GSE1: variants seen among roughly 807,000 people sequenced by gnomAD.
GSE1 encodes the protein Gse1 coiled-coil protein, also known as genetic suppressor element 1.
GSE1 carries 32 observed loss-of-function variants against 112.6 expected under a neutral mutation model. That is an observed-to-expected ratio of 0.28 (90% CI 0.21 to 0.38). GSE1 has a LOEUF of 0.38. GSE1 is among the 10% of genes least tolerant of loss of function. The probability of loss-of-function intolerance (pLI) is 1.00; values close to 1 mark genes in which losing one functional copy is unlikely to be tolerated. For synonymous variants in GSE1, 1,115 were observed against 735.6 expected (o/e 1.52, Z -8.35); for missense variants, 2,348 against 1,699.2 (o/e 1.38, Z -6.71).
At chr16:85,294,610 C>CCTCTCTCTCTCTCTCTCT (rs1199580682) in intron 1 of GSE1, among the ~76,000 whole-genome samples, 2 of 83,170 alleles carry the variant, frequency 2.4e-5, no homozygotes, top group African/African-American at 1.0e-4. Context: ...TGCCAGCACG[C>CCTCTCTCTCTCTCTCTCT]CTCTCACTCT....
At chr16:85,214,270 A>G (rs1252070991) in intron 1 of GSE1, among the ~76,000 whole-genome samples, 1 of 152,106 alleles carries the variant, frequency 6.6e-6, no homozygotes, top group Non-Finnish European at 1.5e-5. Flanking sequence ...CTTGTCACCC[A>G]GAACCTGTGA....
chr16:85,501,125 C>T (rs755330382), intron 2 of GSE1, among the ~76,000 whole-genome samples: 15 of 151,184 alleles, frequency 9.9e-5, no homozygotes, highest in Non-Finnish European at 1.8e-4. Context: ...CTCAGCCTCC[C>T]GAGCAGTTGG....
intron 1 of GSE1, among the ~76,000 whole-genome samples, chr16:85,322,415 G>C (rs2046127719): frequency 6.6e-6 from 1 of 152,082 alleles, no homozygotes; most frequent in Non-Finnish European, 1.5e-5. Flanking sequence ...TTCAAACCTT[G>C]TTGCAAAGAA....
intron 1 of GSE1, among the ~76,000 whole-genome samples, chr16:85,573,675 A>C (rs1031457481): frequency 5.9e-5 from 9 of 152,086 alleles, no homozygotes; most frequent in African/African-American, 1.7e-4. Context: ...TGCTGCTATT[A>C]ATAGCAACAC....
chr16:85,292,796 T>C (rs994161422), intron 1 of GSE1, among the ~76,000 whole-genome samples: 2 of 152,206 alleles, frequency 1.3e-5, no homozygotes, highest in African/African-American at 4.8e-5. Context: ...TTCGGGGGCA[T>C]TTCACACATT....
At chr16:85,308,686 G>A (rs761190652) in intron 1 of GSE1, among the ~76,000 whole-genome samples, 9 of 151,904 alleles carry the variant, frequency 5.9e-5, no homozygotes, top group Non-Finnish European at 1.2e-4. Context: ...AAAACACATT[G>A]CCTGGGGAAG....
upstream of GSE1, chr16:85,613,189 G>GAGCGAGCC (rs1274431997): frequency 5.6e-6 from 8 of 1,425,088 alleles, no homozygotes; most frequent in Admixed American, 1.5e-4. Flanking sequence ...AGTGGCCCGG[G>GAGCGAGCC]AGTGGGCGGC....
At chr16:85,291,432 C>A (rs538067419) in intron 1 of GSE1, among the ~76,000 whole-genome samples, 3 of 152,356 alleles carry the variant, frequency 2.0e-5, no homozygotes, top group South Asian at 4.1e-4. Context: ...TTCCACTGGA[C>A]CTGCTACCAC....
At chr16:85,368,839 A>G (rs992796022) in intron 2 of GSE1, among the ~76,000 whole-genome samples, 7 of 152,138 alleles carry the variant, frequency 4.6e-5, no homozygotes, top group African/African-American at 1.2e-4. Context: ...GGGCACTTCA[A>G]GGTCACCCGA....
At chr16:85,434,307 C>CTACTAA (rs1555511269) in intron 2 of GSE1, among the ~76,000 whole-genome samples, 1 of 142,296 alleles carries the variant, frequency 7.0e-6, no homozygotes, top group Non-Finnish European at 1.5e-5. Context: ...GGATGGTGGT[C>CTACTAA]TAATAATAAT....
chr16:85,309,303 C>T (rs1365156442), intron 1 of GSE1, among the ~76,000 whole-genome samples: 1 of 152,040 alleles, frequency 6.6e-6, no homozygotes, highest in Admixed American at 6.6e-5. Flanking sequence ...TTGAGAACAG[C>T]CTGGACAACG....
chr16:85,563,749 C>T (rs1049320006), intron 1 of GSE1, among the ~76,000 whole-genome samples: 10 of 152,202 alleles, frequency 6.6e-5, no homozygotes, highest in South Asian at 2.1e-4. Flanking sequence ...CAGGAAGTCA[C>T]GGAACATTGG....
At chr16:85,601,228 G>C (rs2047451366) in intron 1 of GSE1, among the ~76,000 whole-genome samples, 1 of 152,002 alleles carries the variant, frequency 6.6e-6, no homozygotes, top group African/African-American at 2.4e-5. Flanking sequence ...GGGAGTCTCA[G>C]AGGGGAAATA....
intron 3 of GSE1, among the ~76,000 whole-genome samples, chr16:85,651,548 G>T (rs1043876574): frequency 6.6e-6 from 1 of 152,284 alleles, no homozygotes; most frequent in African/African-American, 2.4e-5. Context: ...TCCTTGTGGC[G>T]GGGCGGCTGG....
chr16:85,455,401 GAGAA>G (rs374047031), intron 2 of GSE1, among the ~76,000 whole-genome samples: 12 of 145,056 alleles, frequency 8.3e-5, no homozygotes, highest in African/African-American at 1.4e-4. Context: ...GAGAGAGAGA[GAGAA>G]AGAAAGAAAA....
At position 85,601,098 on chromosome 16, in the gene GSE1, G is replaced by T. The variant is rs549024230; in HGVS notation, c.37+44735G>T. Among the ~76,000 whole-genome samples the T allele has an allele frequency of 2.0e-5, 3 of 152,216 alleles. No homozygotes were observed. In the South Asian group the frequency reaches 6.2e-4, roughly 32 times the overall value. On this transcript the variant is annotated intron_variant, in intron 1 of 2. Coordinates refer to the GSE1 transcript ENST00000635906. ...GGAAGAGGTCAGGGTTTGAATAAAG[G>T]AGATGGGGCTCTGCTGGGGGAGGAT...
chr16:85,319,326 G>C (rs947754383), intron 1 of GSE1, among the ~76,000 whole-genome samples: 1 of 152,186 alleles, frequency 6.6e-6, no homozygotes, highest in Non-Finnish European at 1.5e-5. Flanking sequence ...AGTCCTAATG[G>C]AAGCCTCTGG....
upstream of GSE1, among the ~76,000 whole-genome samples, chr16:85,608,294 G>GC (rs2047801314): frequency 2.0e-5 from 3 of 152,164 alleles, no homozygotes; most frequent in South Asian, 6.2e-4. Flanking sequence ...AGCTCTTCGT[G>GC]CCCCCCGGAT....
chr16:85,238,260 G>A (rs1215683673), intron 1 of GSE1, among the ~76,000 whole-genome samples: 1 of 150,700 alleles, frequency 6.6e-6, no homozygotes, highest in Non-Finnish European at 1.5e-5. Context: ...CACATCCCCA[G>A]ACAGAGTCCC....
Sources: allele counts gnomAD v4.1 joint callset (sites outside exome capture counted in the v4.1 genomes callset), GRCh38; gene constraint gnomAD v4.1.1; transcripts MANE v1.5; gene names NCBI Gene and HGNC (gene_info 2026-07-23, HGNC 2026-07-21).